The following C16orf78 variants were observed in gnomAD, a reference collection of about 807,000 sequenced individuals.
The protein encoded by C16orf78 is uncharacterized protein C16orf78.
In C16orf78, 19 loss-of-function variants were observed where a neutral mutation model predicts 27.3. The ratio of observed to expected loss-of-function variants is 0.70; its 90% CI spans 0.49 to 1.02. C16orf78 has a LOEUF of 1.02. Among genes scored for constraint, C16orf78 ranks in the 50% least tolerant of loss-of-function variants. The probability of loss-of-function intolerance (pLI) is 0.00; values close to 1 mark genes in which losing one functional copy is unlikely to be tolerated. For missense variants in C16orf78, 339 were observed against 337.0 expected (o/e 1.01, Z -0.05); for synonymous variants, 130 against 116.1 (o/e 1.12, Z -0.77).
intron 1 of C16orf78, among the ~76,000 whole-genome samples, chr16:49,377,222 A>G (rs749298565): frequency 3.3e-5 from 5 of 152,186 alleles, no homozygotes; most frequent in African/African-American, 1.2e-4. Flanking sequence ...TAGAAAGGCA[A>G]GGTCAGTGGT....
At chr16:49,395,891 G>A (rs546910977) in intron 3 of C16orf78, among the ~76,000 whole-genome samples, 42 of 152,194 alleles carry the variant, frequency 2.8e-4, no homozygotes, top group Non-Finnish European at 1.9e-4. Flanking sequence ...GGAAAGGAAG[G>A]GAGTCGGAAC....
intron 4 of C16orf78, among the ~76,000 whole-genome samples, chr16:49,397,455 G>C (rs1965487982): frequency 6.6e-6 from 1 of 152,198 alleles, no homozygotes; most frequent in Non-Finnish European, 1.5e-5. Flanking sequence ...ACAAAGTCCT[G>C]CTCTGCTCAC....
chr16:49,376,011 A>G lies in C16orf78; in HGVS notation c.151-1720A>G, dbSNP rs1355202279. 4.6e-5 allele frequency among the ~76,000 whole-genome samples: 7 copies of G among 152,240 alleles called. 1 individual carries two copies. The highest frequency in any genetic ancestry group is 1.3e-4 in the Admixed American group (2 of 15,288). On this transcript the variant is annotated intron_variant, in intron 1 of 4. Coordinates refer to ENST00000299191, the MANE Select transcript of C16orf78 (RefSeq NM_144602.4). ...GAGGGAGCAAGTTTACATGGGAAAT[A>G]TAATTAAGTCTTCAAGCATCATTAC...
chr16:49,375,609 GC>G (rs1965206741), intron 1 of C16orf78, among the ~76,000 whole-genome samples: 1 of 152,100 alleles, frequency 6.6e-6, no homozygotes, highest in Non-Finnish European at 1.5e-5. Context: ...CTCCCACCAG[GC>G]CCCACCTCCA....
Position 49,396,577 on chromosome 16 carries a change from C to A in C16orf78, c.549C>A (p.Asp183Glu). 1 of 1,614,220 alleles carries A rather than the reference C, an allele frequency of 6.2e-7. No individual in the cohort carries two copies. Among genetic ancestry groups the A allele is most frequent in the South Asian group, 1.1e-5 (1 of 91,088 alleles). Residue 183 changes from aspartate to glutamate, a missense_variant, in exon 4 of 5, where the codon GAC (aspartate) becomes GAA (glutamate). By Grantham distance (45) the Asp-to-Glu change is conservative. Coordinates refer to ENST00000299191, the MANE Select transcript of C16orf78 (RefSeq NM_144602.4). ...FIRDWSNKMPDMAYERKLKSL... is the reference protein window; with the variant it reads ...FIRDWSNKMPEMAYERKLKSL... ...GAGACTGGTCCAACAAGATGCCTGA[C>A]ATGGCTTACGAACGCAAGCTAAAGA...
intron 3 of C16orf78, among the ~76,000 whole-genome samples, chr16:49,381,841 T>C (rs1444954095): frequency 6.6e-6 from 1 of 152,182 alleles, no homozygotes; most frequent in African/African-American, 2.4e-5. Context: ...CCAACCATTG[T>C]GGAAGTCAGT....
At chr16:49,377,647 C>T (rs1965235844) in intron 1 of C16orf78, 84 bp from the exon 2 acceptor site, 2 of 1,521,010 alleles carry the variant, frequency 1.3e-6, no homozygotes, top group Non-Finnish European at 8.9e-7. Context: ...CAGCCCCTCA[C>T]CTGGGAGCCT....
intron 3 of C16orf78, among the ~76,000 whole-genome samples, chr16:49,393,745 G>A (rs1246850986): frequency 6.6e-6 from 1 of 151,966 alleles, no homozygotes; most frequent in African/African-American, 2.4e-5. Context: ...AATACTGGCT[G>A]GGATTAATGA....
At chr16:49,396,769 C>A in intron 4 of C16orf78, 91 bp downstream of exon 4, 1 of 1,479,664 alleles carries the variant, frequency 6.8e-7, no homozygotes, top group Non-Finnish European at 9.0e-7. Flanking sequence ...TTGGCTTAGC[C>A]TGAAGATCTA....
intron 3 of C16orf78, among the ~76,000 whole-genome samples, chr16:49,393,651 A>G (rs906285761): frequency 3.3e-5 from 5 of 152,116 alleles, no homozygotes; most frequent in African/African-American, 9.6e-5. Context: ...TATAAAACAC[A>G]TAATAAAAGA....
intron 3 of C16orf78, among the ~76,000 whole-genome samples, chr16:49,391,757 C>G (rs770890225): frequency 4.6e-5 from 7 of 152,194 alleles, no homozygotes; most frequent in Non-Finnish European, 1.0e-4. Flanking sequence ...TGCTATCGCT[C>G]CTTCCTTCAT....
At chr16:49,389,526 G>T (rs1259208680) in intron 3 of C16orf78, among the ~76,000 whole-genome samples, 1 of 152,176 alleles carries the variant, frequency 6.6e-6, no homozygotes, top group Non-Finnish European at 1.5e-5. Context: ...GACCTGGGAA[G>T]CGGAAGCTGC....
chr16:49,377,466 G>T (rs1197331565), intron 1 of C16orf78, among the ~76,000 whole-genome samples: 2 of 152,124 alleles, frequency 1.3e-5, no homozygotes, highest in Non-Finnish European at 2.9e-5. Flanking sequence ...TTATGTGGGG[G>T]GTGATGGGGA....
intron 3 of C16orf78, among the ~76,000 whole-genome samples, chr16:49,383,589 C>T (rs560910034): frequency 1.3e-5 from 2 of 152,332 alleles, no homozygotes; most frequent in East Asian, 3.9e-4. Context: ...TTTCCACAAC[C>T]AGTGTCTTAG....
chr16:49,389,800 C>T (rs923378332), intron 3 of C16orf78, among the ~76,000 whole-genome samples: 1 of 152,044 alleles, frequency 6.6e-6, no homozygotes, highest in Non-Finnish European at 1.5e-5. Context: ...GATTTTTGCC[C>T]CAAGCAATTA....
At chr16:49,378,989 C>A (rs1340139889) in intron 3 of C16orf78, among the ~76,000 whole-genome samples, 1 of 152,166 alleles carries the variant, frequency 6.6e-6, no homozygotes, top group Non-Finnish European at 1.5e-5. Context: ...TGAAACCTGC[C>A]AGGGGTTGCT....
intron 3 of C16orf78, among the ~76,000 whole-genome samples, chr16:49,381,842 G>C (rs895247614): frequency 3.9e-5 from 6 of 152,256 alleles, no homozygotes; most frequent in Admixed American, 3.3e-4. Flanking sequence ...CAACCATTGT[G>C]GAAGTCAGTG....
intron 1 of C16orf78, among the ~76,000 whole-genome samples, 166 bp from the exon 2 acceptor site, chr16:49,377,565 C>T (rs1251752377): frequency 6.6e-6 from 1 of 151,984 alleles, no homozygotes; most frequent in Non-Finnish European, 1.5e-5. Context: ...TATACCAGGG[C>T]GCATCTGGAA....
intron 3 of C16orf78, among the ~76,000 whole-genome samples, chr16:49,388,989 G>A (rs1221706124): frequency 6.6e-6 from 1 of 152,116 alleles, no homozygotes; most frequent in African/African-American, 2.4e-5. Flanking sequence ...AAAATATGTG[G>A]AAATTAACAC....
Sources: allele counts gnomAD v4.1 joint callset (sites outside exome capture counted in the v4.1 genomes callset), GRCh38; gene constraint gnomAD v4.1.1; transcripts MANE v1.5; gene names NCBI Gene and HGNC (gene_info 2026-07-23, HGNC 2026-07-21).